SPATA1: variants seen among roughly 807,000 people sequenced by gnomAD.
The protein encoded by SPATA1 is spermatogenesis associated 1, also known as spermatogenesis-associated protein 1.
In SPATA1, 57 loss-of-function variants were observed where a neutral mutation model predicts 59.6. The observed-to-expected ratio is 0.96, with a 90% confidence interval of 0.77 to 1.19. SPATA1 has a LOEUF of 1.19. SPATA1 is among the 50% of genes most tolerant of loss of function. The probability of loss-of-function intolerance (pLI) is 0.00; values close to 1 mark genes in which losing one functional copy is unlikely to be tolerated. For synonymous variants in SPATA1, 147 were observed against 163.9 expected (o/e 0.90, Z 0.79); for missense variants, 448 against 480.7 (o/e 0.93, Z 0.64).
In SPATA1 at chr1:84,565,894, A is replaced by G. The variant is rs545320856; in HGVS notation, n.476A>G. 5.0e-6 allele frequency: 8 copies of G among 1,593,652 alleles called. No individual in the cohort carries two copies. In the Admixed American group the frequency reaches 1.4e-4, roughly 28 times the overall value. ...GGCTGCTGCAATACATTCTGACCAG[A>G]TCTGACTTTGTTCATCATAAGACAT... On this transcript the variant is annotated non_coding_transcript_exon_variant, in exon 5 of 5. Transcript: ENST00000460286.
At chr1:84,522,491 G>A (rs745732211) in exon 4 of SPATA1, 40 of 1,527,382 alleles carry the variant, frequency 2.6e-5, no homozygotes, top group Non-Finnish European at 3.4e-5. Context: ...AAATGCATTG[G>A]AAATAATTTA....
chr1:84,556,710 CA>C (rs11417377), downstream of SPATA1, among the ~76,000 whole-genome samples: 254 of 93,488 alleles, frequency 2.7e-3, 1 homozygote, highest in East Asian at 7.7e-3. Context: ...GACTCCGTCT[CA>C]AAAAAAAAAA....
chr1:84,533,842 C>A, intron 8 of SPATA1, 76 bp downstream of exon 8: 1 of 871,934 alleles, frequency 1.1e-6, no homozygotes. Flanking sequence ...ACTGAAACTG[C>A]AGATTAAAAT....
At chr1:84,532,126 C>T (rs180966792) in intron 6 of SPATA1, among the ~76,000 whole-genome samples, 1 of 152,290 alleles carries the variant, frequency 6.6e-6, no homozygotes, top group Non-Finnish European at 1.5e-5. Flanking sequence ...ATTTTATGTT[C>T]TGTATTTATA....
chr1:84,547,599 C>T (rs1365812214), intron 10 of SPATA1, among the ~76,000 whole-genome samples: 4 of 152,100 alleles, frequency 2.6e-5, no homozygotes, highest in African/African-American at 9.7e-5. Context: ...GTAGAATTTT[C>T]AGAGAAAGTA....
chr1:84,565,293 A>AC (rs1684669933), intron 4 of SPATA1, among the ~76,000 whole-genome samples: 1 of 152,240 alleles, frequency 6.6e-6, no homozygotes, highest in Admixed American at 6.5e-5. Flanking sequence ...TGAAGAGGAT[A>AC]ATGCAAAGCC....
intron 6 of SPATA1, 77 bp from the exon 7 acceptor site, chr1:84,532,783 G>A: frequency 1.0e-6 from 1 of 964,022 alleles, no homozygotes; most frequent in Non-Finnish European, 1.6e-6. Context: ...TAGTGTACAT[G>A]TATAAAAACA....
exon 13 of SPATA1, chr1:84,553,297 G>A: frequency 2.7e-6 from 1 of 369,428 alleles, no homozygotes; most frequent in Non-Finnish European, 5.0e-6. Context: ...GTAATATAAA[G>A]CAAAATGATG....
In SPATA1 at chr1:84,544,664, G is replaced by T. The variant is rs369286589; in HGVS notation, c.820+360G>T. On this transcript the variant is annotated intron_variant, in intron 9 of 12. Transcript: ENST00000490879. ...CAACCTCCGCCTCTCGGGTTCAAGCGATTCTCCAGCCTCAGCCTCCCGAGT... is the reference window on the plus strand; with the variant it reads ...CAACCTCCGCCTCTCGGGTTCAAGCTATTCTCCAGCCTCAGCCTCCCGAGT... Among the ~76,000 whole-genome samples, 649 of 151,926 alleles carry T rather than the reference G, an allele frequency of 4.3e-3. 1 individual carries two copies. The highest frequency in any genetic ancestry group is 7.2e-3 in the Admixed American group (110 of 15,284).
At chr1:84,540,826 C>A (rs1683874225) in intron 8 of SPATA1, among the ~76,000 whole-genome samples, 2 of 152,080 alleles carry the variant, frequency 1.3e-5, no homozygotes, top group South Asian at 4.2e-4. Context: ...GGCCTGTGAG[C>A]TAGGAATGTG....
intron 4 of SPATA1, chr1:84,563,436 C>T (rs1570471656): frequency 6.8e-7 from 1 of 1,463,642 alleles, no homozygotes; most frequent in Middle Eastern, 1.9e-4. Flanking sequence ...TGCAAAAGTG[C>T]TCATGTTATA....
At position 84,553,304 on chromosome 1, in the gene SPATA1, GATGA is replaced by G. The variant is rs1199363476; in HGVS notation, c.*184_*187del. 1.9e-4 allele frequency: 66 copies of G among 343,788 alleles called. 1 individual carries two copies. Among genetic ancestry groups the G allele is most frequent in the Non-Finnish European group, 2.2e-5 (4 of 184,876 alleles). 21.3% of individuals were successfully genotyped at this position (343,788 alleles called of 1,614,324 possible). ...TATTAGATGTAATATAAAGCAAAAT[GATGA>G]ATGGTTATTTTTAACATTCCAAGTC... On this transcript the variant is annotated 3_prime_UTR_variant, in exon 13 of 13. Transcript: ENST00000490879.
intron 6 of SPATA1, among the ~76,000 whole-genome samples, chr1:84,530,002 A>G (rs900595464): frequency 6.6e-6 from 1 of 151,902 alleles, no homozygotes; most frequent in Non-Finnish European, 1.5e-5. Context: ...GACTACAGGC[A>G]CACGCAGCCA....
intron 8 of SPATA1, among the ~76,000 whole-genome samples, chr1:84,540,135 A>G (rs1221972463): frequency 6.6e-6 from 1 of 151,976 alleles, no homozygotes; most frequent in Non-Finnish European, 1.5e-5. Flanking sequence ...TCTCTTATGT[A>G]CAGCCTAGAG....
chr1:84,524,834 GTTTA>G (rs561037554), intron 4 of SPATA1, among the ~76,000 whole-genome samples: 9 of 151,974 alleles, frequency 5.9e-5, no homozygotes, highest in African/African-American at 2.2e-4. Flanking sequence ...CCTAAATTGA[GTTTA>G]TTTATTTATT....
intron 6 of SPATA1, among the ~76,000 whole-genome samples, chr1:84,530,963 C>T (rs1459745005): frequency 6.6e-6 from 1 of 152,186 alleles, no homozygotes; most frequent in East Asian, 1.9e-4. Context: ...TCACAGTTAT[C>T]ACTCCCTTTT....
At chr1:84,536,889 T>C (rs1480607789) in intron 8 of SPATA1, among the ~76,000 whole-genome samples, 1 of 134,338 alleles carries the variant, frequency 7.4e-6, no homozygotes, top group African/African-American at 2.5e-5. Context: ...TTCTTTTTTT[T>C]TTTTTTTTGA....
At position 84,506,477 on chromosome 1, in the gene SPATA1, G is replaced by T. The variant is rs138002234; in HGVS notation, c.-138+59G>T. 1.6e-3 allele frequency: 254 copies of T among 158,078 alleles called. 1 individual carries two copies. Among genetic ancestry groups the T allele is most frequent in the Middle Eastern group, 3.2e-3 (1 of 312 alleles). The allele number at this position is 158,078 out of a possible 1,614,324, so 9.8% of individuals were successfully genotyped here. ...CTAAGAGGGGGTCTGAAGAGGACCA[G>T]GGAGGGAAGGCAGAGCTTGTGGGAG... is the stretch of plus-strand genomic sequence containing the variant. On this transcript the variant is annotated intron_variant, in intron 1 of 12. Transcript: ENST00000490879.
chr1:84,541,557 C>G (rs775734678), intron 8 of SPATA1, among the ~76,000 whole-genome samples: 30 of 151,978 alleles, frequency 2.0e-4, no homozygotes, highest in Admixed American at 6.6e-5. Flanking sequence ...TGAGTTTGGC[C>G]AATTTTCATT....
Sources: allele counts gnomAD v4.1 joint callset (sites outside exome capture counted in the v4.1 genomes callset), GRCh38; gene constraint gnomAD v4.1.1; transcripts MANE v1.5; gene names NCBI Gene and HGNC (gene_info 2026-07-23, HGNC 2026-07-21).